Variants in AKAP19 observed in about 807,000 individuals in gnomAD.
AKAP19 encodes the protein A-kinase anchoring protein 19.
At chr2:190,092,126 T>C in the AKAP19 span, among the ~76,000 whole-genome samples, 1 of 152,194 alleles carries the variant, frequency 6.6e-6, no homozygotes, top group Non-Finnish European at 1.5e-5. Flanking sequence ...AGATTTTTGT[T>C]ATAATAATAT....
chr2:190,191,831 T>C, the AKAP19 span, among the ~76,000 whole-genome samples: 17 of 152,198 alleles, frequency 1.1e-4, no homozygotes. Context: ...TGCTATTGAG[T>C]TTTGATACTT....
the AKAP19 span, among the ~76,000 whole-genome samples, chr2:189,960,369 G>A: frequency 5.6e-4 from 86 of 152,294 alleles, 2 homozygotes; most frequent in South Asian, 1.0e-3. Context: ...AGTGAAATAC[G>A]TGGCTTAGGC....
chr2:190,039,188 C>T, the AKAP19 span, among the ~76,000 whole-genome samples: 1 of 151,972 alleles, frequency 6.6e-6, no homozygotes, highest in Non-Finnish European at 1.5e-5. Context: ...AAGCGATTCT[C>T]CTGCCTCAGC....
At chr2:190,200,589 A>AATCATAGTGAT in the AKAP19 span, 2 of 181,408 alleles carry the variant, frequency 1.1e-5, no homozygotes, top group Non-Finnish European at 2.6e-5. Context: ...ATGGCACTCA[A>AATCATAGTGAT]ATCATAGTGA....
At chr2:190,063,990 G>A in the AKAP19 span, among the ~76,000 whole-genome samples, 1 of 152,106 alleles carries the variant, frequency 6.6e-6, no homozygotes, top group Non-Finnish European at 1.5e-5. Flanking sequence ...GGATTCCTAA[G>A]AGATTTAGTC....
the AKAP19 span, among the ~76,000 whole-genome samples, chr2:190,175,403 GTAAATA>G: frequency 2.0e-4 from 30 of 152,298 alleles, no homozygotes; most frequent in African/African-American, 7.0e-4. Flanking sequence ...TTATATAGTT[GTAAATA>G]TAATGAACAG....
chr2:189,905,347 G>C, the AKAP19 span, among the ~76,000 whole-genome samples: 1 of 151,878 alleles, frequency 6.6e-6, no homozygotes, highest in Non-Finnish European at 1.5e-5. Flanking sequence ...TGAAAATGAG[G>C]AAGTTTACCT....
chr2:189,985,467 C>T, the AKAP19 span, among the ~76,000 whole-genome samples: 1 of 152,186 alleles, frequency 6.6e-6, no homozygotes, highest in Non-Finnish European at 1.5e-5. Flanking sequence ...CAGAGAGACA[C>T]TCTCTGGATA....
the AKAP19 span, among the ~76,000 whole-genome samples, chr2:190,049,049 A>G: frequency 6.6e-6 from 1 of 152,142 alleles, no homozygotes; most frequent in Admixed American, 6.5e-5. Flanking sequence ...ATAAATAAAG[A>G]CTAAAGTATG....
chr2:189,969,924 G>A, the AKAP19 span, among the ~76,000 whole-genome samples: 1 of 137,454 alleles, frequency 7.3e-6, no homozygotes, highest in East Asian at 2.3e-4. Flanking sequence ...CCAAGCTGGA[G>A]TGCAGTGGCA....
chr2:190,098,781 C>A, the AKAP19 span, among the ~76,000 whole-genome samples: 2 of 152,144 alleles, frequency 1.3e-5, no homozygotes, highest in Non-Finnish European at 2.9e-5. Flanking sequence ...TTAGTGTAGC[C>A]ACCTTCATCA....
the AKAP19 span, among the ~76,000 whole-genome samples, chr2:190,088,143 G>A: frequency 3.9e-5 from 6 of 152,306 alleles, no homozygotes; most frequent in East Asian, 9.6e-4. Flanking sequence ...CTTTGCCAAA[G>A]CTTCCATAAC....
the AKAP19 span, among the ~76,000 whole-genome samples, chr2:190,053,942 G>A: frequency 6.6e-6 from 1 of 152,104 alleles, no homozygotes; most frequent in Non-Finnish European, 1.5e-5. Flanking sequence ...ACTGATGGAG[G>A]GTGGAGAGGA....
chr2:190,060,600 A>T, the AKAP19 span, among the ~76,000 whole-genome samples: 1 of 152,052 alleles, frequency 6.6e-6, no homozygotes, highest in Non-Finnish European at 1.5e-5. Context: ...AATGTCAAAG[A>T]AAATAATTAC....
the AKAP19 span, among the ~76,000 whole-genome samples, chr2:190,147,702 G>C: frequency 1.3e-5 from 2 of 151,578 alleles, no homozygotes; most frequent in Non-Finnish European, 2.9e-5. Context: ...TCTCCTTGTA[G>C]AGGTCTTTCA....
chr2:189,899,389 T>A, the AKAP19 span, among the ~76,000 whole-genome samples: 6,860 of 152,228 alleles, frequency 0.045, 242 homozygotes, highest in African/African-American at 0.087. Flanking sequence ...CTTTATGTGA[T>A]CTCCTCTCCT....
chr2:189,917,291 A>T, the AKAP19 span: 1 of 1,407,678 alleles, frequency 7.1e-7, no homozygotes, highest in Non-Finnish European at 9.9e-7. Flanking sequence ...TGGTTTCTTC[A>T]TGGTCCTCCA....
At chr2:190,058,861 A>G in the AKAP19 span, among the ~76,000 whole-genome samples, 4 of 151,932 alleles carry the variant, frequency 2.6e-5, no homozygotes, top group Non-Finnish European at 5.9e-5. Flanking sequence ...GGGATTAAAA[A>G]CTACATATTT....
At chr2:190,101,366 A>T in the AKAP19 span, among the ~76,000 whole-genome samples, 2 of 152,150 alleles carry the variant, frequency 1.3e-5, no homozygotes, top group African/African-American at 4.8e-5. Context: ...GGTAACCTGG[A>T]ACCAGTCTGT....
Sources: gnomAD v4.1 joint callset for allele counts (sites outside exome capture counted in the v4.1 genomes callset) on GRCh38, gnomAD v4.1.1 for gene constraint, MANE v1.5 for transcripts, NCBI Gene and HGNC (gene_info 2026-07-23, HGNC 2026-07-21) for gene names.